Variants in HELLS observed in about 807,000 individuals in gnomAD.
HELLS encodes helicase, lymphoid specific.
HELLS carries 32 observed loss-of-function variants against 120.0 expected under a neutral mutation model. The ratio of observed to expected loss-of-function variants is 0.27; its 90% CI spans 0.20 to 0.36. The LOEUF is 0.36. HELLS is among the 10% of genes least tolerant of loss of function. The pLI is 1.00. For missense variants in HELLS, 650 were observed against 993.4 expected, an observed-to-expected ratio of 0.65 and a Z score of 4.65; for synonymous variants, 341 against 323.4, an observed-to-expected ratio of 1.05 and a Z score of -0.58.
At chr10:94,576,547 GA>G (rs1844494414) in intron 9 of HELLS, 114 bp from the exon 10 acceptor site, 3 of 535,810 alleles carry the variant, frequency 5.6e-6, no homozygotes, top group South Asian at 1.1e-4. Context: ...TAGAAAAATA[GA>G]AATAAAATTT....
intron 10 of HELLS, among the ~76,000 whole-genome samples, chr10:94,580,185 A>AT (rs57237348): frequency 0.043 from 3,018 of 69,388 alleles, 166 homozygotes; most frequent in Middle Eastern, 0.19. Context: ...ACACACACAC[A>AT]TTTTTTTTTT....
chr10:94,560,732 A>T (rs11188023), intron 4 of HELLS, among the ~76,000 whole-genome samples: 116 of 151,430 alleles, frequency 7.7e-4, no homozygotes, highest in African/African-American at 2.7e-3. Flanking sequence ...AAAACTGGTA[A>T]TACTGAGTCA....
At chr10:94,612,817 T>A (rs1474153258) in exon 10 of HELLS, 1 of 152,182 alleles carries the variant, frequency 6.6e-6, no homozygotes, top group East Asian at 1.9e-4. Flanking sequence ...TCCCAGCTAC[T>A]TTGGTGGCTG....
At chr10:94,609,387 A>G (rs1380383548) in intron 9 of HELLS, among the ~76,000 whole-genome samples, 2 of 152,184 alleles carry the variant, frequency 1.3e-5, no homozygotes, top group African/African-American at 4.8e-5. Flanking sequence ...TTTAGTTAAT[A>G]ACCCCATCTC....
At chr10:94,557,007 C>G (rs563798090) in intron 3 of HELLS, among the ~76,000 whole-genome samples, 13 of 152,218 alleles carry the variant, frequency 8.5e-5, no homozygotes, top group Non-Finnish European at 1.6e-4. Flanking sequence ...AACTGCATGG[C>G]TTAACTTCAT....
chr10:94,597,463 A>C (rs1280906508), intron 21 of HELLS, among the ~76,000 whole-genome samples: 2 of 152,196 alleles, frequency 1.3e-5, no homozygotes, highest in African/African-American at 2.4e-5. Context: ...GTGAGCTAAG[A>C]TTAATCAAGA....
chr10:94,548,861 G>T (rs1403483789), intron 2 of HELLS, among the ~76,000 whole-genome samples: 2 of 152,082 alleles, frequency 1.3e-5, no homozygotes, highest in African/African-American at 4.8e-5. Flanking sequence ...AGATGTGGTG[G>T]CGCATACCTG....
At position 94,594,810 on chromosome 10, in the gene HELLS, G is replaced by T; in HGVS notation, c.2204G>T (p.Arg735Ile). The T allele has an allele frequency of 6.2e-7, 1 of 1,613,798 alleles. No homozygotes were observed. Among genetic ancestry groups the T allele is most frequent in the Non-Finnish European group, 8.5e-7 (1 of 1,179,814 alleles). ...ACTATCGATCAGAAAATTGTGGAAA[G>T]AGCAGCTGCTAAAAGGAAACTGGAA... ...ANTIDQKIVE[R>I]AAAKRKLEKL... The change falls in exon 19 of 22, where the codon AGA becomes ATA. Residue 735 changes from arginine (R) to isoleucine (I), a missense_variant. Physicochemically the swap from Arg to Ile is moderately conservative, Grantham distance 97. Around this residue, in one of 9 missense-constraint regions of HELLS, gnomAD observed 22 missense variants for 78.2 expected, o/e 0.28. Coordinates refer to ENST00000348459, the MANE Select transcript of HELLS (RefSeq NM_018063.5).
rs779558088 is a variant in HELLS, at chr10:94,593,482, A to G, written c.1972-17A>G. ...ATTTATTTTAATCTGTTGTATTTAC[A>G]TCCTTTTTGCTTTTAGATGCACAGC... is the stretch of plus-strand genomic sequence containing the variant. On this transcript the variant is annotated splice_polypyrimidine_tract_variant and intron_variant, in intron 17 of 21. Transcript: ENST00000348459. The G allele has an allele frequency of 3.4e-6, 5 of 1,454,678 alleles. 1 individual carries two copies. The highest frequency in any genetic ancestry group is 3.4e-5 in the South Asian group (3 of 87,768). 90.1% of individuals were successfully genotyped at this position (1,454,678 alleles called of 1,614,324 possible).
intron 2 of HELLS, among the ~76,000 whole-genome samples, chr10:94,552,677 A>C (rs1843045794): frequency 6.6e-6 from 1 of 152,214 alleles, no homozygotes; most frequent in African/African-American, 2.4e-5. Context: ...CATGTTACAG[A>C]ATTGGTAATC....
chr10:94,549,363 A>G (rs1842878647), intron 2 of HELLS, among the ~76,000 whole-genome samples: 1 of 152,206 alleles, frequency 6.6e-6, no homozygotes, highest in African/African-American at 2.4e-5. Flanking sequence ...GGCTTTAGGA[A>G]ATCCTAAGGT....
chr10:94,574,874 T>C, intron 9 of HELLS, 138 bp downstream of exon 9: 1 of 640,622 alleles, frequency 1.6e-6, no homozygotes, highest in Non-Finnish European at 2.6e-6. Context: ...ACTTACTCAA[T>C]CTGCACAATA....
At chr10:94,611,451 G>A (rs913588739) in exon 10 of HELLS, 8 of 152,088 alleles carry the variant, frequency 5.3e-5, no homozygotes, top group African/African-American at 1.9e-4. Flanking sequence ...TTAATAATTA[G>A]TAATTCAGTG....
Position 94,580,156 on chromosome 10 carries a change from TATATATAC to T in HELLS, c.1033-1168_1033-1161del, listed in dbSNP as rs1376920000. ...ATATATATATATATATATATATATA[TATATATAC>T]ACACACACACACACACACACATTTT... is the stretch of plus-strand genomic sequence containing the variant. On this transcript the variant is annotated intron_variant, in intron 10 of 21. Coordinates refer to ENST00000348459, the MANE Select transcript of HELLS (RefSeq NM_018063.5). 8.1e-3 allele frequency among the ~76,000 whole-genome samples: 396 copies of T among 49,164 alleles called. 4 individuals are homozygous for T. Among genetic ancestry groups the T allele is most frequent in the African/African-American group, 0.037 (313 of 8,460 alleles). 32.3% of individuals were successfully genotyped at this position (49,164 alleles called of 152,430 possible).
chr10:94,585,832 T>G (rs1845116282), intron 12 of HELLS, among the ~76,000 whole-genome samples: 1 of 151,888 alleles, frequency 6.6e-6, no homozygotes, highest in Admixed American at 6.6e-5. Flanking sequence ...CTCAGCCTTC[T>G]GAGTTGCTGG....
chr10:94,591,902 A>G (rs1481420971), intron 15 of HELLS, among the ~76,000 whole-genome samples: 1 of 152,242 alleles, frequency 6.6e-6, no homozygotes, highest in Non-Finnish European at 1.5e-5. Context: ...TTAGTTGGAA[A>G]TAACTCACTT....
downstream of HELLS, among the ~76,000 whole-genome samples, chr10:94,604,483 T>A (rs1272203283): frequency 6.9e-6 from 1 of 145,742 alleles, no homozygotes; most frequent in Non-Finnish European, 1.5e-5. Context: ...ATAGTCTGTT[T>A]CATTTGATTT....
Position 94,566,944 on chromosome 10 carries a change from C to T in HELLS, c.435+4068C>T, listed in dbSNP as rs572010126. ...TGCTGGGATTACAGGTGTGAGCCAC[C>T]ATGCCTGGTCCCATACCAGTTATTC... On this transcript the variant is annotated intron_variant, in intron 6 of 21. Transcript: ENST00000348459. 1.7e-4 allele frequency among the ~76,000 whole-genome samples: 26 copies of T among 152,240 alleles called. No individual in the cohort carries two copies. The South Asian group carries it at 3.7e-3, about 22-fold the overall frequency.
intron 10 of HELLS, among the ~76,000 whole-genome samples, chr10:94,579,201 CTTTTTTT>C (rs11431624): frequency 3.0e-5 from 4 of 133,848 alleles, no homozygotes; most frequent in Admixed American, 1.5e-4. Context: ...CTACTTTTTT[CTTTTTTT>C]TTTTTTTTTT....
Sources: allele counts gnomAD v4.1 joint callset (sites outside exome capture counted in the v4.1 genomes callset), GRCh38; gene constraint gnomAD v4.1.1; regional missense constraint gnomAD v4.1.1; transcripts MANE v1.5; gene names NCBI Gene and HGNC (gene_info 2026-07-23, HGNC 2026-07-21).